TENM3: variants seen among roughly 807,000 people sequenced by gnomAD.
TENM3 encodes teneurin transmembrane protein 3.
In TENM3, 63 loss-of-function variants were observed where a neutral mutation model predicts 255.1. The ratio of observed to expected loss-of-function variants is 0.25; its 90% CI spans 0.20 to 0.30. The LOEUF (loss-of-function observed/expected upper bound fraction) is 0.30. TENM3 is among the 10% of genes least tolerant of loss of function. The pLI is 1.00. For synonymous variants in TENM3, 1,306 were observed against 1,322.3 expected, an observed-to-expected ratio of 0.99 and a Z score of 0.27; for missense variants, 2,929 against 3,461.1, an observed-to-expected ratio of 0.85 and a Z score of 3.86.
At chr4:182,605,347 C>T (rs1331190420) in intron 4 of TENM3, among the ~76,000 whole-genome samples, 1 of 151,916 alleles carries the variant, frequency 6.6e-6, no homozygotes, top group African/African-American at 2.4e-5. Context: ...ACACAGGGTA[C>T]CTGTGGGGAA....
the TENM3 span, among the ~76,000 whole-genome samples, chr4:181,561,585 G>A: frequency 2.0e-5 from 3 of 152,116 alleles, no homozygotes. Context: ...GCTTCACTTA[G>A]TAGAACTTTA....
intron 13 of TENM3, among the ~76,000 whole-genome samples, chr4:182,718,580 TA>T (rs931182646): frequency 1.8e-4 from 27 of 152,348 alleles, no homozygotes; most frequent in African/African-American, 6.3e-4. Context: ...TCAGCTTTAG[TA>T]CAGTCAGATC....
rs182351564 is a variant in TENM3 at position 182,611,433 on chromosome 4, A to G, written c.749+10272A>G. On this transcript the variant is annotated intron_variant, in intron 4 of 27. Transcript: ENST00000511685. ...AGTTAAATATAAGTGAACTTTATGT[A>G]TTAAATACTAATCATACCATATTTT... Among the ~76,000 whole-genome samples the G allele has an allele frequency of 9.4e-4, 142 of 151,818 alleles. 1 individual carries two copies. Among genetic ancestry groups the G allele is most frequent in the African/African-American group, 3.1e-3 (130 of 41,524 alleles).
chr4:181,772,153 G>A, the TENM3 span, among the ~76,000 whole-genome samples: 1 of 152,164 alleles, frequency 6.6e-6, no homozygotes. Context: ...GCCAAAGCAG[G>A]TGAATCATGA....
At chr4:182,373,053 T>G (rs6830118) in intron 3 of TENM3, among the ~76,000 whole-genome samples, 14,084 of 152,208 alleles carry the variant, frequency 0.093, 1,578 homozygotes, top group African/African-American at 0.27. Context: ...TGATAATTAT[T>G]AAGTTAGATA....
intron 3 of TENM3, among the ~76,000 whole-genome samples, chr4:182,553,283 C>T (rs1459338887): frequency 2.0e-5 from 3 of 148,048 alleles, no homozygotes; most frequent in African/African-American, 7.5e-5. Context: ...CTTCATAAAT[C>T]GTTTAGAAAA....
chr4:181,460,678 C>CTTTTTTTTTTTT, the TENM3 span, among the ~76,000 whole-genome samples: 2 of 136,860 alleles, frequency 1.5e-5, no homozygotes, highest in African/African-American at 5.3e-5. Context: ...AGCTATAGTT[C>CTTTTTTTTTTTT]TTTTTTTTTT....
chr4:181,755,373 G>A, the TENM3 span, among the ~76,000 whole-genome samples: 1 of 150,808 alleles, frequency 6.6e-6, no homozygotes, highest in Admixed American at 6.6e-5. Context: ...TTTACTTAAT[G>A]TGATTATTTT....
intron 3 of TENM3, among the ~76,000 whole-genome samples, chr4:182,442,331 T>C (rs1481108952): frequency 6.6e-6 from 1 of 152,226 alleles, no homozygotes; most frequent in Non-Finnish European, 1.5e-5. Flanking sequence ...ACATATGGAT[T>C]CTTTTGAAAT....
chr4:181,777,947 C>G, the TENM3 span, among the ~76,000 whole-genome samples: 1 of 152,138 alleles, frequency 6.6e-6, no homozygotes, highest in Admixed American at 6.6e-5. Flanking sequence ...AGACAGGAGA[C>G]TTAGCTTATA....
chr4:182,787,918 G>A (rs759903599), intron 24 of TENM3, among the ~76,000 whole-genome samples: 10 of 152,056 alleles, frequency 6.6e-5, no homozygotes, highest in Non-Finnish European at 1.3e-4. Context: ...AAAAGTTTAA[G>A]CTTAAGGATT....
chr4:182,438,391 T>C (rs963133696), intron 3 of TENM3, among the ~76,000 whole-genome samples: 2 of 152,246 alleles, frequency 1.3e-5, no homozygotes, highest in African/African-American at 2.4e-5. Context: ...GCGCTGGTTA[T>C]GAAACTACAT....
chr4:182,219,536 A>T (rs1213221196), intron 1 of TENM3, among the ~76,000 whole-genome samples: 1 of 152,046 alleles, frequency 6.6e-6, no homozygotes, highest in African/African-American at 2.4e-5. Flanking sequence ...GTAGTGTTGC[A>T]TGCCTTTAAT....
At chr4:181,983,792 C>A in the TENM3 span, among the ~76,000 whole-genome samples, 1 of 151,938 alleles carries the variant, frequency 6.6e-6, no homozygotes, top group East Asian at 1.9e-4. Flanking sequence ...AAAAGCCATA[C>A]AGAAAAGTAG....
Position 182,789,507 on chromosome 4 carries a change from C to T in TENM3, c.5601+118C>T, listed in dbSNP as rs967805289. Reference sequence around the variant, plus strand: ...ACATGACTGAGTTCCATTTGTTATTCGAAGTATCAATACGGAAGTCACATT... The same window carrying T: ...ACATGACTGAGTTCCATTTGTTATTTGAAGTATCAATACGGAAGTCACATT... On this transcript the variant is annotated intron_variant, in intron 25 of 27. Transcript: ENST00000511685. This position sits in a 1 kb window ranked among gnomAD's most constrained non-coding sequence, Gnocchi z 4.4. 17 of 976,760 alleles carry T rather than the reference C, an allele frequency of 1.7e-5. No homozygotes were observed. Among genetic ancestry groups the T allele is most frequent in the African/African-American group, 6.6e-5 (4 of 60,630 alleles). The allele number at this position is 976,760 out of a possible 1,614,324, so 60.5% of individuals were successfully genotyped here. A position where few individuals can be genotyped will look rare whatever the true frequency, so the allele number is the denominator to read the frequency against.
the TENM3 span, among the ~76,000 whole-genome samples, chr4:181,767,251 CAAAAAAAAAA>C: frequency 1.3e-5 from 1 of 75,728 alleles, no homozygotes; most frequent in Non-Finnish European, 2.6e-5. Flanking sequence ...GACTCCGTCT[CAAAAAAAAAA>C]AAAAAAAAAA....
rs1013328116 is a variant in TENM3 at position 182,800,488 on chromosome 4, C to T, written c.*137C>T. On this transcript the variant is annotated 3_prime_UTR_variant, in exon 28 of 28. Transcript: ENST00000511685. ...GCTGTTACGACCCACACCCACACCG[C>T]GAAAACAAGGACCGCTTTTTTCCGA... is the stretch of plus-strand genomic sequence containing the variant. 3 of 1,114,892 alleles carry T rather than the reference C, an allele frequency of 2.7e-6. No homozygotes were observed. The highest frequency in any genetic ancestry group is 1.6e-5 in the African/African-American group (1 of 61,860). The allele number at this position is 1,114,892 out of a possible 1,614,324, so 69.1% of individuals were successfully genotyped here. A position where few individuals can be genotyped will look rare whatever the true frequency, so the allele number is the denominator to read the frequency against.
chr4:182,415,124 A>G (rs866233816), intron 3 of TENM3, among the ~76,000 whole-genome samples: 37 of 152,310 alleles, frequency 2.4e-4, no homozygotes, highest in African/African-American at 8.7e-4. Context: ...CCAGAAGCCT[A>G]TAGATTTCAG....
chr4:182,364,424 T>C (rs1766261892), intron 3 of TENM3, among the ~76,000 whole-genome samples: 1 of 152,218 alleles, frequency 6.6e-6, no homozygotes, highest in Non-Finnish European at 1.5e-5. Flanking sequence ...GTTTTTTGTT[T>C]TTGTTTTTTT....
Sources: gnomAD v4.1 joint callset for allele counts (sites outside exome capture counted in the v4.1 genomes callset) on GRCh38, gnomAD v4.1.1 for gene constraint, Gnocchi (gnomAD v3.1) non-coding constraint, MANE v1.5 for transcripts, NCBI Gene and HGNC (gene_info 2026-07-23, HGNC 2026-07-21) for gene names.